The following DAB1 variants were observed in gnomAD, a reference collection of about 807,000 sequenced individuals.
DAB1 encodes the protein DAB adaptor protein 1.
DAB1 carries 15 observed loss-of-function variants against 64.6 expected under a neutral mutation model. That is an observed-to-expected ratio of 0.23 (90% confidence interval 0.16 to 0.36). The LOEUF (loss-of-function observed/expected upper bound fraction) is 0.36, where lower values mean the gene tolerates loss of function less well. Ranked by LOEUF, DAB1 falls within the 10% of genes least tolerant of loss-of-function variation. The pLI is 1.00. For synonymous variants in DAB1, 235 were observed against 251.9 expected (o/e 0.93, Z 0.64); for missense variants, 596 against 706.7 (o/e 0.84, Z 1.78).
At chr1:57,111,118 G>A (rs1221471876) in intron 4 of DAB1, among the ~76,000 whole-genome samples, 3 of 152,008 alleles carry the variant, frequency 2.0e-5, no homozygotes, top group Admixed American at 1.3e-4. Context: ...AGCCGTTTGA[G>A]CCAGACCTGA....
intron 7 of DAB1, among the ~76,000 whole-genome samples, chr1:57,545,270 G>A (rs578126182): frequency 5.9e-5 from 9 of 152,266 alleles, no homozygotes; most frequent in African/African-American, 1.7e-4. Flanking sequence ...CAGCACTCCA[G>A]TTCTTTTCTA....
At chr1:57,295,015 C>A (rs1039233943) in intron 1 of DAB1, among the ~76,000 whole-genome samples, 2 of 152,028 alleles carry the variant, frequency 1.3e-5, no homozygotes, top group Non-Finnish European at 1.5e-5. Context: ...TATGAAATAT[C>A]CTAAATAGAC....
chr1:57,207,692 C>T (rs1665697352), intron 2 of DAB1, among the ~76,000 whole-genome samples: 1 of 151,846 alleles, frequency 6.6e-6, no homozygotes, highest in Admixed American at 6.6e-5. Flanking sequence ...GATCCGCCCG[C>T]CTCGGCCTCC....
chr1:57,944,361 G>A (rs543736111), intron 5 of DAB1, among the ~76,000 whole-genome samples: 1 of 152,164 alleles, frequency 6.6e-6, no homozygotes, highest in South Asian at 2.1e-4. Flanking sequence ...CAAGTCTTCT[G>A]GAATTGGCTT....
chr1:57,226,673 AT>A (rs1553158265), intron 2 of DAB1, among the ~76,000 whole-genome samples: 10,667 of 121,392 alleles, frequency 0.088, 734 homozygotes, highest in Admixed American at 0.26. Flanking sequence ...TAAAAAAAAA[AT>A]ATATATATAT....
chr1:57,582,957 G>T (rs796765008), intron 7 of DAB1, among the ~76,000 whole-genome samples: 11 of 152,300 alleles, frequency 7.2e-5, no homozygotes, highest in African/African-American at 2.4e-4. Flanking sequence ...CAGTTCTGAT[G>T]AAAATCCCTT....
Position 58,242,480 on chromosome 1 carries a change from T to C in DAB1, n.310-91892A>G, listed in dbSNP as rs75161694. 8.3e-3 allele frequency among the ~76,000 whole-genome samples: 1,258 copies of C among 152,236 alleles called. 9 individuals carry two copies. The highest frequency in any genetic ancestry group is 0.012 in the Non-Finnish European group (844 of 67,944). Reference sequence around the variant, plus strand: ...CATACCAAGGCAGAGTATATAAAATTATATCCATCTACATATGCTAGTAGT... The same window carrying C: ...CATACCAAGGCAGAGTATATAAAATCATATCCATCTACATATGCTAGTAGT... On this transcript the variant is annotated intron_variant and non_coding_transcript_variant, in intron 4 of 20. Coordinates refer to the DAB1 transcript ENST00000485760.
chr1:58,429,329 T>C (rs1006300623), intron 3 of DAB1, among the ~76,000 whole-genome samples: 1 of 152,080 alleles, frequency 6.6e-6, no homozygotes, highest in South Asian at 2.1e-4. Flanking sequence ...GATGAGAACA[T>C]CAAGAGAGCA....
intron 5 of DAB1, among the ~76,000 whole-genome samples, chr1:57,937,450 C>T: frequency 6.6e-6 from 1 of 152,030 alleles, no homozygotes; most frequent in South Asian, 2.1e-4. Context: ...TGTAATAGGC[C>T]ATGGGAATCT....
At chr1:57,201,941 C>T (rs537466223) in intron 2 of DAB1, among the ~76,000 whole-genome samples, 56 of 152,180 alleles carry the variant, frequency 3.7e-4, no homozygotes, top group African/African-American at 1.3e-3. Context: ...ACACAGACTA[C>T]GTAATTTAAA....
chr1:57,953,196 C>T (rs531291489), intron 5 of DAB1, among the ~76,000 whole-genome samples: 1 of 152,324 alleles, frequency 6.6e-6, no homozygotes, highest in East Asian at 1.9e-4. Flanking sequence ...GCTTCTTTAT[C>T]TGAAAAATGA....
chr1:57,135,620 T>C (rs180746975), intron 4 of DAB1, among the ~76,000 whole-genome samples: 5 of 152,184 alleles, frequency 3.3e-5, no homozygotes, highest in Non-Finnish European at 7.4e-5. Flanking sequence ...TTTCTATACC[T>C]TTTTTCTTCA....
At chr1:57,107,129 C>G (rs1474374330) in intron 4 of DAB1, among the ~76,000 whole-genome samples, 1 of 151,992 alleles carries the variant, frequency 6.6e-6, no homozygotes, top group Non-Finnish European at 1.5e-5. Context: ...AATCCCAGCA[C>G]TTTGGGGGGC....
rs531723648 is a variant in DAB1 at position 57,151,865 on chromosome 1, G to C, written c.68-6436C>G. On this transcript the variant is annotated intron_variant, in intron 2 of 14. Coordinates refer to ENST00000371236, the MANE Select transcript of DAB1 (RefSeq NM_001365792.1). ...GTCTCGCTCTATTGCCCAGGCTGGA[G>C]TGCAGTAGCTCGATCTCTGCTCACT... is the stretch of plus-strand genomic sequence containing the variant. Among the ~76,000 whole-genome samples, 5 of 139,140 alleles carry C rather than the reference G, an allele frequency of 3.6e-5. No individual in the cohort carries two copies. The Admixed American group carries it at 3.8e-4, about 11-fold the overall frequency. The allele number at this position is 139,140 out of a possible 152,430, so 91.3% of individuals were successfully genotyped here.
intron 3 of DAB1, among the ~76,000 whole-genome samples, chr1:58,382,338 G>C (rs77424421): frequency 0.081 from 12,326 of 152,132 alleles, 676 homozygotes; most frequent in South Asian, 0.12. Flanking sequence ...TATACAGCTG[G>C]GGAAATAGTC....
chr1:57,986,763 A>G (rs1456169163), intron 5 of DAB1, among the ~76,000 whole-genome samples: 1 of 152,206 alleles, frequency 6.6e-6, no homozygotes, highest in East Asian at 1.9e-4. Context: ...CGTCCTCTCC[A>G]TGACTCTCCA....
At chr1:57,969,939 C>A (rs1557586294) in intron 5 of DAB1, among the ~76,000 whole-genome samples, 1 of 151,762 alleles carries the variant, frequency 6.6e-6, no homozygotes, top group African/African-American at 2.4e-5. Flanking sequence ...AGAGGTGGGG[C>A]CTTTAGTAAG....
chr1:58,326,819 C>A (rs867296277), intron 4 of DAB1, among the ~76,000 whole-genome samples: 1 of 152,142 alleles, frequency 6.6e-6, no homozygotes, highest in Non-Finnish European at 1.5e-5. Context: ...TCCCTGCAGC[C>A]CACCTTCCAA....
chr1:58,076,789 C>T (rs532465637), intron 5 of DAB1, among the ~76,000 whole-genome samples: 2 of 152,300 alleles, frequency 1.3e-5, no homozygotes, highest in Middle Eastern at 3.4e-3. Context: ...ACCAAGGGCT[C>T]TGAAGGCAGT....
Sources: allele counts gnomAD v4.1 joint callset (sites outside exome capture counted in the v4.1 genomes callset), GRCh38; gene constraint gnomAD v4.1.1; transcripts MANE v1.5; gene names NCBI Gene and HGNC (gene_info 2026-07-23, HGNC 2026-07-21).